Variants in PIGB observed in about 807,000 individuals in gnomAD.
PIGB encodes the protein phosphatidylinositol glycan anchor biosynthesis class B.
Under a neutral mutation model 68.4 loss-of-function variants are expected in PIGB, and 58 were observed. The observed-to-expected ratio is 0.85, with a 90% CI of 0.69 to 1.06. PIGB has a LOEUF of 1.06. PIGB is among the 50% of genes least tolerant of loss of function. The pLI, the probability that PIGB is intolerant of heterozygous loss-of-function variation, is 0.00. For missense variants in PIGB, 634 were observed against 655.8 expected (o/e 0.97, Z 0.36); for synonymous variants, 219 against 220.5 (o/e 0.99, Z 0.06).
intron 5 of PIGB, among the ~76,000 whole-genome samples, chr15:55,333,135 A>C (rs1267368897): frequency 1.3e-5 from 2 of 152,172 alleles, no homozygotes. Context: ...TATGAGGTAA[A>C]AAGCATGCTT....
chr15:55,354,629 T>G (rs1456824319), intron 10 of PIGB, 169 bp from the exon 11 acceptor site: 2 of 587,014 alleles, frequency 3.4e-6, no homozygotes, highest in Non-Finnish European at 2.9e-6. Flanking sequence ...AAGAATCATG[T>G]TTTTTTTATC....
intron 3 of PIGB, among the ~76,000 whole-genome samples, chr15:55,326,789 G>T (rs1406311856): frequency 1.3e-5 from 2 of 152,126 alleles, no homozygotes; most frequent in Non-Finnish European, 2.9e-5. Context: ...GTGAGCCGCG[G>T]TTGCGCCACT....
chr15:55,338,008 G>A (rs2055576258), intron 6 of PIGB, among the ~76,000 whole-genome samples: 1 of 152,206 alleles, frequency 6.6e-6, no homozygotes, highest in African/African-American at 2.4e-5. Context: ...CCTTTGGGAA[G>A]AGGAAGGGTT....
At position 55,320,372 on chromosome 15, in the gene PIGB, C is replaced by T. The variant is rs1205076651; in HGVS notation, c.261C>T (p.Tyr87=). The T allele has an allele frequency of 1.9e-6, 3 of 1,613,626 alleles. No individual in the cohort carries two copies. Among genetic ancestry groups the T allele is most frequent in the Non-Finnish European group, 2.5e-6 (3 of 1,179,664 alleles). Residue 87 remains tyrosine, a synonymous_variant, in exon 2 of 12, where the codon TAC becomes TAT. Coordinates refer to ENST00000164305, the MANE Select transcript of PIGB (RefSeq NM_004855.5). ...LVQTSFVPDE[Y]WQSLEVSHHM... Reference sequence around the variant, plus strand: ...AGACAAGTTTTGTTCCAGATGAATACTGGCAGTCTCTTGAAGTTTCACATC... The same window carrying T: ...AGACAAGTTTTGTTCCAGATGAATATTGGCAGTCTCTTGAAGTTTCACATC...
At chr15:55,321,426 G>A in intron 3 of PIGB, 36 bp downstream of exon 3, 1 of 1,529,304 alleles carries the variant, frequency 6.5e-7, no homozygotes, top group Non-Finnish European at 8.8e-7. Context: ...TGATATTGGG[G>A]CCATGGAATT....
intron 3 of PIGB, 86 bp downstream of exon 3, chr15:55,321,476 C>A: frequency 9.0e-7 from 1 of 1,109,554 alleles, no homozygotes; most frequent in Non-Finnish European, 1.3e-6. Flanking sequence ...CCAGCCATAT[C>A]TGGGAAGCCC....
intron 3 of PIGB, among the ~76,000 whole-genome samples, chr15:55,322,536 T>TC (rs1473689386): frequency 6.6e-6 from 1 of 152,030 alleles, no homozygotes; most frequent in Non-Finnish European, 1.5e-5. Context: ...GAGTTTGTGC[T>TC]CCCCCCGATT....
chr15:55,326,837 AAAAT>A (rs1020346815), intron 3 of PIGB, among the ~76,000 whole-genome samples: 194 of 152,324 alleles, frequency 1.3e-3, no homozygotes, highest in African/African-American at 4.4e-3. Flanking sequence ...ACGTCTCATA[AAAAT>A]AAATAAATAA....
At chr15:55,342,856 G>A (rs1305305400) in intron 9 of PIGB, among the ~76,000 whole-genome samples, 2 of 152,016 alleles carry the variant, frequency 1.3e-5, no homozygotes. Context: ...GAAAAATTAC[G>A]AATTGAAACT....
At chr15:55,322,543 G>A (rs896625522) in intron 3 of PIGB, among the ~76,000 whole-genome samples, 3 of 152,172 alleles carry the variant, frequency 2.0e-5, no homozygotes, top group East Asian at 1.9e-4. Flanking sequence ...TGCTCCCCCC[G>A]ATTTCTGTCA....
intron 4 of PIGB, 41 bp downstream of exon 4, chr15:55,327,676 C>A: frequency 8.6e-7 from 1 of 1,158,346 alleles, no homozygotes; most frequent in Non-Finnish European, 1.3e-6. Context: ...CCAGTTATTT[C>A]GTTCCTATGG....
rs748101702 is a variant in PIGB at position 55,350,900 on chromosome 15, C to T, written c.1325C>T (p.Thr442Ile). 6.4e-7 allele frequency: 1 copy of T among 1,551,962 alleles called. No individual in the cohort carries two copies. The highest frequency in any genetic ancestry group is 1.7e-5 in the Admixed American group (1 of 59,160). ...TTTATAATGATGCCTTGCCACTCTA[C>T]TCCTTATTACAGGTAATAAAAGATG... The part of the protein sequence containing the change: ...SIFIMMPCHS[T>I]PYYSHVHCPL... The change falls in exon 10 of 12, where the codon ACT (threonine) becomes ATT (isoleucine). Residue 442 changes from threonine (T) to isoleucine (I), a missense_variant. Transcript: ENST00000164305.
chr15:55,337,858 C>T (rs80132061), intron 6 of PIGB, among the ~76,000 whole-genome samples: 22 of 152,100 alleles, frequency 1.4e-4, no homozygotes, highest in African/African-American at 4.1e-4. Context: ...AACTACAGCA[C>T]GCAAAAAAAC....
rs375963781 is a variant in PIGB, at chr15:55,321,241, A to G, written c.300-32A>G. The G allele has an allele frequency of 5.2e-5, 79 of 1,517,830 alleles. No individual in the cohort carries two copies. The African/African-American group carries it at 9.3e-4, about 18-fold the overall frequency. The allele number at this position is 1,517,830 out of a possible 1,614,324, so 94.0% of individuals were successfully genotyped here. ...AAAAAACACGGAAATAGGTTTCAAT[A>G]TTATTGGACATTTACTCCTTAATGT... On this transcript the variant is annotated intron_variant, in intron 2 of 11. Transcript: ENST00000164305.
At chr15:55,337,876 A>G (rs35396030) in intron 6 of PIGB, among the ~76,000 whole-genome samples, 6,684 of 152,310 alleles carry the variant, frequency 0.044, 232 homozygotes, top group Middle Eastern at 0.058. Flanking sequence ...AACTTGGTTC[A>G]ATCTCACAAG....
At chr15:55,348,488 T>C (rs2055852720) in intron 9 of PIGB, 1 of 152,350 alleles carries the variant, frequency 6.6e-6, no homozygotes, top group Admixed American at 6.5e-5. Context: ...GCTTCGATCA[T>C]GGGGGTGGAG....
Position 55,355,492 on chromosome 15 carries a change from C to A in PIGB, c.*60C>A. ...ATATTCAGATGCTGCTTAAATACTTCGGTAAACACTGGGTAAGATTCATGG... is the reference window on the plus strand; with the variant it reads ...ATATTCAGATGCTGCTTAAATACTTAGGTAAACACTGGGTAAGATTCATGG... On this transcript the variant is annotated 3_prime_UTR_variant, in exon 12 of 12. Transcript: ENST00000164305. 1 of 1,352,142 alleles carries A rather than the reference C, an allele frequency of 7.4e-7. No individual in the cohort carries two copies. Among genetic ancestry groups the A allele is most frequent in the African/African-American group, 1.5e-5 (1 of 68,554 alleles). 83.8% of individuals were successfully genotyped at this position (1,352,142 alleles called of 1,614,324 possible).
chr15:55,339,848 C>G (rs1235221782), intron 7 of PIGB, among the ~76,000 whole-genome samples: 1 of 152,104 alleles, frequency 6.6e-6, no homozygotes, highest in Non-Finnish European at 1.5e-5. Context: ...ATAATGGACT[C>G]TGGTGACTCA....
chr15:55,321,945 C>T (rs1292662225), intron 3 of PIGB, among the ~76,000 whole-genome samples: 2 of 143,046 alleles, frequency 1.4e-5, no homozygotes, highest in African/African-American at 2.5e-5. Flanking sequence ...GAGGCCGAGG[C>T]GGGCGGATCA....
Sources: gnomAD v4.1 joint callset for allele counts (sites outside exome capture counted in the v4.1 genomes callset) on GRCh38, gnomAD v4.1.1 for gene constraint, MANE v1.5 for transcripts, NCBI Gene and HGNC (gene_info 2026-07-23, HGNC 2026-07-21) for gene names.